The following CRYM variants were observed in gnomAD, a reference collection of about 807,000 sequenced individuals.
CRYM encodes crystallin mu.
CRYM carries 18 observed loss-of-function variants against 32.9 expected under a neutral mutation model. The ratio of observed to expected loss-of-function variants is 0.55; its 90% CI spans 0.38 to 0.81. The LOEUF is 0.81. CRYM is among the 30% of genes least tolerant of loss of function. The pLI, the probability that CRYM is intolerant of heterozygous loss-of-function variation, is 0.00. For missense variants in CRYM, 337 were observed against 393.5 expected (o/e 0.86, Z 1.21); for synonymous variants, 153 against 152.4 (o/e 1.00, Z -0.03).
At chr16:21,276,756 T>TA (rs1317637363) in intron 2 of CRYM, among the ~76,000 whole-genome samples, 3 of 152,216 alleles carry the variant, frequency 2.0e-5, no homozygotes, top group Non-Finnish European at 4.4e-5. Flanking sequence ...ACCGTGGACT[T>TA]AGACTGAGCA....
rs758715644 is a variant in CRYM, at chr16:21,277,570, A to C, written c.185T>G (p.Met62Arg). The C allele has an allele frequency of 6.2e-7, 1 of 1,613,892 alleles. No individual in the cohort carries two copies. The highest frequency in any genetic ancestry group is 1.1e-5 in the South Asian group (1 of 91,072). The stretch of plus-strand genomic sequence containing the variant: ...ATCCTCTGCAGCACTGTAGGCGGGC[A>C]TGACCCCCAGGTAGCTACAAGGAGA... ...VTKHRGYLGV[M>R]PAYSAAEDAL... The change falls in exon 2 of 8, where the codon ATG (methionine) becomes AGG (arginine). Residue 62 changes from methionine to arginine, a missense_variant. Coordinates refer to ENST00000572914, the MANE Select transcript of CRYM (RefSeq NM_001376256.1). The surrounding 1 kb of genome is among the most constrained non-coding windows in gnomAD (Gnocchi z 4.2).
At position 21,277,381 on chromosome 16, in the gene CRYM, CA is replaced by C. The variant is rs754140944; in HGVS notation, c.324+49del. 1.2e-6 allele frequency: 2 copies of C among 1,604,218 alleles called. No individual in the cohort carries two copies. Among genetic ancestry groups the C allele is most frequent in the South Asian group, 2.2e-5 (2 of 90,658 alleles). ...CTGCGGAGAACTTACTTTTGAGCTT[CA>C]ATCTGGGCCCAGGGGCCCCATTCCA... On this transcript the variant is annotated intron_variant, in intron 2 of 7. Transcript: ENST00000572914. This position sits in a 1 kb window ranked among gnomAD's most constrained non-coding sequence, Gnocchi z 4.2.
At chr16:21,281,386 G>A (rs1486673916), upstream of CRYM, among the ~76,000 whole-genome samples, 2 of 151,522 alleles carry the variant, frequency 1.3e-5, no homozygotes, top group South Asian at 2.1e-4. Context: ...CACCACCCCC[G>A]GCTAATTTTT....
At chr16:21,293,053 A>G (rs1960702305) in intron 1 of CRYM, among the ~76,000 whole-genome samples, 1 of 152,066 alleles carries the variant, frequency 6.6e-6, no homozygotes, top group Non-Finnish European at 1.5e-5. Flanking sequence ...ATAGATAGAT[A>G]GATAGAATAA....
chr16:21,290,136 A>G (rs567192402), intron 1 of CRYM, among the ~76,000 whole-genome samples: 12 of 152,160 alleles, frequency 7.9e-5, no homozygotes, highest in African/African-American at 2.4e-4. Context: ...TGGCCACCAG[A>G]GCCAGCAGTG....
chr16:21,272,178 G>A (rs879536253), intron 3 of CRYM, among the ~76,000 whole-genome samples: 1 of 152,034 alleles, frequency 6.6e-6, no homozygotes, highest in African/African-American at 2.4e-5. Context: ...TTAATCATAT[G>A]TTTATAAGAT....
At chr16:21,265,994 C>CCTAACCCTCACTAATCCCA (rs2093363051) in intron 5 of CRYM, among the ~76,000 whole-genome samples, 1 of 152,058 alleles carries the variant, frequency 6.6e-6, no homozygotes, top group South Asian at 2.1e-4. Context: ...GAGGCTGAGG[C>CCTAACCCTCACTAATCCCA]GGGTGGATCA....
At chr16:21,291,008 G>A (rs1435344720) in intron 1 of CRYM, among the ~76,000 whole-genome samples, 1 of 152,192 alleles carries the variant, frequency 6.6e-6, no homozygotes, top group Non-Finnish European at 1.5e-5. Flanking sequence ...CACAAACTAT[G>A]TTTCAAGAAA....
At position 21,278,194 on chromosome 16, in the gene CRYM, A is replaced by G. The variant is rs2152863405; in HGVS notation, c.58T>C (p.Ser20Pro). ...AAEVEEHLRS[S>P]SLLIPPLETA... ...TCTAGAGGCGGGATGAGGAGGCTGG[A>G]GCTGCGGAGGTGTTCCTCCACCTCG... Residue 20 changes from serine to proline, a missense_variant, in exon 1 of 8, where the codon TCC becomes CCC. Transcript: ENST00000572914. 6.4e-7 allele frequency: 1 copy of G among 1,554,228 alleles called. No individual in the cohort carries two copies. The highest frequency in any genetic ancestry group is 8.7e-7 in the Non-Finnish European group (1 of 1,150,194).
intron 1 of CRYM, among the ~76,000 whole-genome samples, chr16:21,290,151 T>A (rs226047): frequency 5.9e-5 from 9 of 151,996 alleles, no homozygotes; most frequent in African/African-American, 2.2e-4. Flanking sequence ...GCAGTGGCAA[T>A]GTCGGATCCC....
intron 1 of CRYM, among the ~76,000 whole-genome samples, chr16:21,289,973 G>A (rs1195685378): frequency 6.6e-6 from 1 of 151,204 alleles, no homozygotes; most frequent in Non-Finnish European, 1.5e-5. Context: ...CTAGCTAAAG[G>A]ATTGTAAATG....
At chr16:21,261,793 G>A (rs142759834) in intron 6 of CRYM, 5 of 516,580 alleles carry the variant, frequency 9.7e-6, no homozygotes, top group Non-Finnish European at 1.7e-5. Context: ...GGACAGCCCA[G>A]CAAAAAAATA....
intron 1 of CRYM, among the ~76,000 whole-genome samples, chr16:21,299,612 A>G (rs1236613845): frequency 6.6e-6 from 1 of 152,204 alleles, no homozygotes; most frequent in African/African-American, 2.4e-5. Flanking sequence ...ACCTGACCAC[A>G]TTAGACTTTT....
chr16:21,261,363 C>T (rs1039054819), intron 6 of CRYM, 25 bp from the exon 7 acceptor site: 4 of 1,600,626 alleles, frequency 2.5e-6, no homozygotes, highest in African/African-American at 1.3e-5. Context: ...TACGCTGACC[C>T]AGGCATGAAG....
At chr16:21,294,864 T>G (rs1055066416) in intron 1 of CRYM, among the ~76,000 whole-genome samples, 7 of 151,618 alleles carry the variant, frequency 4.6e-5, no homozygotes, top group Non-Finnish European at 8.8e-5. Flanking sequence ...CCAGCTAATT[T>G]TTTTGTATTT....
At chr16:21,272,992 T>A (rs1021327995) in intron 3 of CRYM, among the ~76,000 whole-genome samples, 3 of 151,990 alleles carry the variant, frequency 2.0e-5, no homozygotes, top group Admixed American at 2.0e-4. Context: ...TTGGACTATA[T>A]CTTGCCTCCC....
In CRYM at chr16:21,277,509, G is replaced by A. The variant is rs1413291532; in HGVS notation, c.246C>T (p.Asp82=). 1 of 1,613,966 alleles carries A rather than the reference G, an allele frequency of 6.2e-7. No individual in the cohort carries two copies. The highest frequency in any genetic ancestry group is 1.7e-5 in the Admixed American group (1 of 60,016). The change falls in exon 2 of 8, where the codon GAC becomes GAT. Residue 82 remains aspartate, a synonymous_variant. Transcript: ENST00000572914. This position sits in a 1 kb window ranked among gnomAD's most constrained non-coding sequence, Gnocchi z 4.2. The part of the protein sequence containing the change: ...LTTKLVTFYE[D]RGITSVVPSH... ...AAGGGACGACCGAGGTGATGCCGCG[G>A]TCCTCGTAGAAGGTGACCAACTTGG...
chr16:21,290,662 G>A (rs1243871273), intron 1 of CRYM, among the ~76,000 whole-genome samples: 1 of 152,174 alleles, frequency 6.6e-6, no homozygotes, highest in Non-Finnish European at 1.5e-5. Context: ...TACAGTGACA[G>A]TTCAGAGCCT....
chr16:21,286,498 A>G (rs1354040858), intron 1 of CRYM, among the ~76,000 whole-genome samples: 2 of 151,980 alleles, frequency 1.3e-5, no homozygotes, highest in East Asian at 3.9e-4. Flanking sequence ...AATTGCTGGA[A>G]TTACAGGCAT....
Sources: allele counts gnomAD v4.1 joint callset (sites outside exome capture counted in the v4.1 genomes callset), GRCh38; gene constraint gnomAD v4.1.1; non-coding constraint Gnocchi (gnomAD v3.1); transcripts MANE v1.5; gene names NCBI Gene and HGNC (gene_info 2026-07-23, HGNC 2026-07-21).